SCN10A: variants seen among roughly 807,000 people sequenced by gnomAD.
SCN10A encodes sodium channel protein type 10 subunit alpha.
In SCN10A, 162 loss-of-function variants were observed where a neutral mutation model predicts 170.7. That is an observed-to-expected ratio of 0.95 (90% CI 0.84 to 1.08). The LOEUF (loss-of-function observed/expected upper bound fraction) is 1.08. Ranked by LOEUF, SCN10A falls within the 50% of genes least tolerant of loss-of-function variation. The pLI is 0.00. For missense variants in SCN10A, 2,527 were observed against 2,436.9 expected (o/e 1.04, Z -0.78); for synonymous variants, 985 against 904.6 (o/e 1.09, Z -1.59).
intron 1 of SCN10A, among the ~76,000 whole-genome samples, chr3:38,814,708 T>C (rs997406696): frequency 6.6e-6 from 1 of 152,232 alleles, no homozygotes; most frequent in African/African-American, 2.4e-5. Context: ...TGCTCATTTA[T>C]TATTACTATT....
chr3:38,728,610 T>G lies in SCN10A; in HGVS notation c.2572A>C (p.Met858Leu), dbSNP rs755887904. ...GEWIENMWACMEVGQKSICLI... is the reference protein window; with the variant it reads ...GEWIENMWACLEVGQKSICLI... ...CATATGGATTTTTGGCCAACTTCCA[T>G]GCAGGCCCACATGTTCTCAATCCAC... Residue 858 changes from methionine to leucine, a missense_variant, in exon 16 of 28, where the codon ATG (methionine) becomes CTG (leucine). Transcript: ENST00000449082. The G allele has an allele frequency of 6.2e-7, 1 of 1,612,716 alleles. No homozygotes were observed. Among genetic ancestry groups the G allele is most frequent in the Admixed American group, 1.7e-5 (1 of 59,998 alleles).
chr3:38,700,207 G>T (rs2063142413), intron 27 of SCN10A, among the ~76,000 whole-genome samples: 1 of 152,192 alleles, frequency 6.6e-6, no homozygotes, highest in Non-Finnish European at 1.5e-5. Context: ...AAAACGACAT[G>T]ATTGCATTTA....
At chr3:38,732,194 G>C (rs1366092376) in intron 15 of SCN10A, among the ~76,000 whole-genome samples, 2 of 152,232 alleles carry the variant, frequency 1.3e-5, no homozygotes, top group Non-Finnish European at 2.9e-5. Flanking sequence ...CACAACGGAA[G>C]ACTGTTTTCC....
At chr3:38,744,424 G>C (rs748292693) in intron 13 of SCN10A, among the ~76,000 whole-genome samples, 3 of 151,406 alleles carry the variant, frequency 2.0e-5, no homozygotes, top group Non-Finnish European at 4.4e-5. Flanking sequence ...TGTGTATGTA[G>C]TCAAGATTTA....
At chr3:38,760,829 C>A in intron 7 of SCN10A, 82 bp from the exon 8 acceptor site, 1 of 1,157,426 alleles carries the variant, frequency 8.6e-7, no homozygotes, top group Non-Finnish European at 1.3e-6. Context: ...GCAATATTCC[C>A]AAGTCTTCCA....
rs1237617535 is a variant in SCN10A, at chr3:38,726,652, C to T, written c.3041G>A (p.Gly1014Glu). The change falls in exon 17 of 28, where the codon GGG becomes GAG. Residue 1014 changes from glycine (G) to glutamate (E), a missense_variant. Transcript: ENST00000449082. The stretch of plus-strand genomic sequence containing the variant: ...CTGCTGGAAGCTCTGAGCATCTTCC[C>T]CACCATCATCCTCCAAGTCATCAAG... ...SDLDDLEDDG[G>E]EDAQSFQQEV... 3.7e-6 allele frequency: 6 copies of T among 1,604,488 alleles called. No individual in the cohort carries two copies. Among genetic ancestry groups the T allele is most frequent in the Non-Finnish European group, 4.3e-6 (5 of 1,172,338 alleles).
rs1313668059 is a variant in SCN10A, at chr3:38,713,964, G to A, written c.3798C>T (p.Gly1266=). The A allele has an allele frequency of 6.2e-7, 1 of 1,613,488 alleles. No homozygotes were observed. Among genetic ancestry groups the A allele is most frequent in the South Asian group, 1.1e-5 (1 of 91,058 alleles). ...RPLRALSRFE[G]MRVVVDALVG... ...GTTTTGAGATCAGACTTACCCGCATGCCTTCAAATCGAGAAAGAGCCCGCA... is the reference window on the plus strand; with the variant it reads ...GTTTTGAGATCAGACTTACCCGCATACCTTCAAATCGAGAAAGAGCCCGCA... Residue 1266 remains glycine (G), a synonymous_variant, in exon 22 of 28, where the codon GGC becomes GGT. Coordinates refer to ENST00000449082, the MANE Select transcript of SCN10A (RefSeq NM_006514.4).
chr3:38,752,457 T>A lies in SCN10A; in HGVS notation c.1517A>T (p.His506Leu). The part of the protein sequence containing the change: ...KRRASHGSVF[H>L]FRSPGRDISL... Reference sequence around the variant, plus strand: ...GATATCTCGGCCAGGGGACCGGAAATGGAACACACTGCCATGACTAGCCCG... The same window carrying A: ...GATATCTCGGCCAGGGGACCGGAAAAGGAACACACTGCCATGACTAGCCCG... Residue 506 changes from histidine (H) to leucine (L), a missense_variant, in exon 12 of 28, where the codon CAT becomes CTT. Physicochemically the swap from His to Leu is moderately conservative, Grantham distance 99. Transcript: ENST00000449082. 1 of 1,612,316 alleles carries A rather than the reference T, an allele frequency of 6.2e-7. No individual in the cohort carries two copies. The highest frequency in any genetic ancestry group is 8.5e-7 in the Non-Finnish European group (1 of 1,179,246).
At chr3:38,721,955 T>C (rs115540622) in intron 20 of SCN10A, among the ~76,000 whole-genome samples, 49 of 152,340 alleles carry the variant, frequency 3.2e-4, no homozygotes, top group African/African-American at 1.1e-3. Flanking sequence ...TGGGTGACCT[T>C]GGACAAGCCT....
intron 4 of SCN10A, among the ~76,000 whole-genome samples, chr3:38,788,297 G>A (rs1338965072): frequency 6.6e-6 from 1 of 151,234 alleles, no homozygotes; most frequent in Non-Finnish European, 1.5e-5. Context: ...TCAAGCTGGA[G>A]TGGAAGCATC....
At chr3:38,766,611 T>C (rs951099762) in intron 5 of SCN10A, among the ~76,000 whole-genome samples, 2 of 152,214 alleles carry the variant, frequency 1.3e-5, no homozygotes, top group Non-Finnish European at 2.9e-5. Flanking sequence ...TGTTATCTTT[T>C]GGATATGTGT....
At chr3:38,757,535 A>G (rs1377074272) in intron 8 of SCN10A, among the ~76,000 whole-genome samples, 1 of 152,246 alleles carries the variant, frequency 6.6e-6, no homozygotes, top group South Asian at 2.1e-4. Flanking sequence ...GGGAGGTCTC[A>G]CATTAGCCAA....
intron 14 of SCN10A, 37 bp from the exon 15 acceptor site, chr3:38,739,725 T>C (rs751811657): frequency 1.3e-6 from 2 of 1,537,120 alleles, no homozygotes; most frequent in South Asian, 1.2e-5. Flanking sequence ...CAGTGGGATC[T>C]GTGGGGTCGG....
intron 1 of SCN10A, among the ~76,000 whole-genome samples, chr3:38,812,288 AC>A: frequency 2.0e-5 from 3 of 152,342 alleles, no homozygotes; most frequent in Middle Eastern, 6.8e-3. Flanking sequence ...CCTATAATTA[AC>A]CCATTTCTGC....
Position 38,813,661 on chromosome 3 carries a change from A to G in SCN10A, c.-33+2376T>C, listed in dbSNP as rs746571602. Among the ~76,000 whole-genome samples the G allele has an allele frequency of 7.4e-4, 112 of 152,186 alleles. 3 individuals are homozygous for G. The highest frequency in any genetic ancestry group is 2.2e-4 in the Non-Finnish European group (15 of 68,030). On this transcript the variant is annotated intron_variant, in intron 1 of 27. Transcript: ENST00000449082. ...CTCTGACTCCTTCCTACCCTCATGA[A>G]CTAGTTCATAAAACATGGCTCTAGA...
In SCN10A at chr3:38,702,043, G is replaced by A; in HGVS notation, c.4453C>T (p.Leu1485Phe). 1 of 1,603,402 alleles carries A rather than the reference G, an allele frequency of 6.2e-7. No homozygotes were observed. Among genetic ancestry groups the A allele is most frequent in the Admixed American group, 1.7e-5 (1 of 58,200 alleles). Residue 1485 changes from leucine (L) to phenylalanine (F), a missense_variant, in exon 27 of 28, where the codon CTC (leucine) becomes TTC (phenylalanine). Leu to Phe is a conservative substitution (Grantham distance 22). Transcript: ENST00000449082. Reference protein sequence around the residue: ...RQAFDITIMVLICLNMITMMV... With the variant: ...RQAFDITIMVFICLNMITMMV... ...ATGGTGATCATGTTGAGGCAGATGA[G>A]GACCATGATGGTGATGTCAAAAGCT...
rs1064796379 is a variant in SCN10A, at chr3:38,698,496, A to G, written c.4724T>C (p.Ile1575Thr). The G allele has an allele frequency of 1.9e-6, 3 of 1,614,102 alleles. No homozygotes were observed. Among genetic ancestry groups the G allele is most frequent in the Non-Finnish European group, 2.5e-6 (3 of 1,180,036 alleles). The change falls in exon 28 of 28, where the codon ATC becomes ACC. Residue 1575 changes from isoleucine to threonine, a missense_variant. By Grantham distance (89) the Ile-to-Thr change is moderately conservative. Transcript: ENST00000449082. ...SYFSPTLFRV[I>T]RLARIGRILR... ...GATGCGGCCAATTCGGGCCAGGCGG[A>G]TGACTCTGAAGAGCGTTGGGGAGAA...
At position 38,775,800 on chromosome 3, in the gene SCN10A, C is replaced by T. The variant is rs562395121; in HGVS notation, c.471-4393G>A. On this transcript the variant is annotated intron_variant, in intron 4 of 27. Coordinates refer to ENST00000449082, the MANE Select transcript of SCN10A (RefSeq NM_006514.4). Reference sequence around the variant, plus strand: ...CAATACTTCTAATTAAGGAATTATACCAATTGTTTTTCTTGTTTCTTCTCC... The same window carrying T: ...CAATACTTCTAATTAAGGAATTATATCAATTGTTTTTCTTGTTTCTTCTCC... Among the ~76,000 whole-genome samples the T allele has an allele frequency of 5.1e-4, 78 of 152,198 alleles. No individual in the cohort carries two copies. In the South Asian group the frequency reaches 0.016, roughly 30 times the overall value.
At chr3:38,788,369 G>C (rs1190123133) in intron 4 of SCN10A, among the ~76,000 whole-genome samples, 1 of 152,046 alleles carries the variant, frequency 6.6e-6, no homozygotes, top group African/African-American at 2.4e-5. Context: ...AACTATAGGG[G>C]TTTCACCCAC....
Sources: gnomAD v4.1 joint callset for allele counts (sites outside exome capture counted in the v4.1 genomes callset) on GRCh38, gnomAD v4.1.1 for gene constraint, MANE v1.5 for transcripts, NCBI Gene and HGNC (gene_info 2026-07-23, HGNC 2026-07-21) for gene names.